Variants in CNTN4 observed in about 807,000 individuals in gnomAD.
The protein encoded by CNTN4 is contactin-4.
Under a neutral mutation model 122.5 loss-of-function variants are expected in CNTN4, and 77 were observed. The observed-to-expected ratio is 0.63, with a 90% CI of 0.52 to 0.76. CNTN4 has a LOEUF of 0.76. Among genes scored for constraint, CNTN4 ranks in the 30% least tolerant of loss-of-function variants. CNTN4 has a pLI of 0.00. For missense variants in CNTN4, 1,256 were observed against 1,259.1 expected (o/e 1.00, Z 0.04); for synonymous variants, 512 against 447.0 (o/e 1.15, Z -1.83).
Position 3,042,527 on chromosome 3 carries a change from G to T in CNTN4, c.2511+105G>T, listed in dbSNP as rs142175867. 4.6e-3 allele frequency: 3,649 copies of T among 785,132 alleles called. 25 individuals are homozygous for T. Among genetic ancestry groups the T allele is most frequent in the Middle Eastern group, 0.014 (63 of 4,422 alleles). The allele number at this position is 785,132 out of a possible 1,614,324, so 48.6% of individuals were successfully genotyped here. On this transcript the variant is annotated intron_variant, in intron 21 of 24. Coordinates refer to ENST00000418658, the MANE Select transcript of CNTN4 (RefSeq NM_175607.3). ...AAGAGACCCACATTCCCACTAAGAGGCATTGGTTTTAGGCCTGGCTTCCAG... is the reference window on the plus strand; with the variant it reads ...AAGAGACCCACATTCCCACTAAGAGTCATTGGTTTTAGGCCTGGCTTCCAG...
At chr3:3,048,268 C>G (rs1376976047) in intron 23 of CNTN4, among the ~76,000 whole-genome samples, 4 of 151,958 alleles carry the variant, frequency 2.6e-5, no homozygotes, top group Non-Finnish European at 5.9e-5. Flanking sequence ...GAAAATGACA[C>G]AGATTTTAAA....
At position 2,451,991 on chromosome 3, in the gene CNTN4, G is replaced by A. The variant is rs145484543; in HGVS notation, c.-89+112758G>A. Reference sequence around the variant, plus strand: ...AGGAGATAGATACTATAGATTCTTAGTGACATTCTTTGAGTTTTCACCATT... The same window carrying A: ...AGGAGATAGATACTATAGATTCTTAATGACATTCTTTGAGTTTTCACCATT... On this transcript the variant is annotated intron_variant, in intron 3 of 24. Coordinates refer to ENST00000418658, the MANE Select transcript of CNTN4 (RefSeq NM_175607.3). Among the ~76,000 whole-genome samples the A allele has an allele frequency of 5.4e-3, 819 of 152,250 alleles. 6 individuals carry two copies. Among genetic ancestry groups the A allele is most frequent in the African/African-American group, 0.015 (627 of 41,538 alleles).
chr3:2,289,817 C>T (rs2042069264), intron 2 of CNTN4, among the ~76,000 whole-genome samples: 2 of 152,234 alleles, frequency 1.3e-5, no homozygotes, highest in South Asian at 4.2e-4. Flanking sequence ...TAAGAATAGT[C>T]ATTGATGTGT....
intron 4 of CNTN4, among the ~76,000 whole-genome samples, chr3:2,710,252 C>T (rs1344736082): frequency 6.6e-6 from 1 of 152,124 alleles, no homozygotes; most frequent in African/African-American, 2.4e-5. Context: ...TTTAATGGCA[C>T]CCATCCTGTA....
intron 2 of CNTN4, among the ~76,000 whole-genome samples, chr3:2,168,072 A>T (rs2727930): frequency 0.58 from 88,801 of 151,804 alleles, 26,882 homozygotes; most frequent in Non-Finnish European, 0.66. Flanking sequence ...GTTAAAGGTT[A>T]TAGTAAGCTA....
chr3:2,913,859 C>A (rs2094327199), intron 12 of CNTN4, among the ~76,000 whole-genome samples: 1 of 152,196 alleles, frequency 6.6e-6, no homozygotes, highest in Middle Eastern at 3.2e-3. Flanking sequence ...AATATGAAAT[C>A]TACTCATGCA....
At chr3:2,978,610 A>T (rs1693647852) in intron 13 of CNTN4, among the ~76,000 whole-genome samples, 1 of 152,224 alleles carries the variant, frequency 6.6e-6, no homozygotes, top group Admixed American at 6.5e-5. Context: ...TTGTGTAGAA[A>T]AAGCAAGCTC....
At chr3:2,550,341 A>G (rs1481356224) in intron 3 of CNTN4, among the ~76,000 whole-genome samples, 1 of 152,128 alleles carries the variant, frequency 6.6e-6, no homozygotes, top group Non-Finnish European at 1.5e-5. Context: ...CAACAAACAT[A>G]TGAAAAAAAT....
At chr3:2,655,526 C>G (rs2083548778) in intron 4 of CNTN4, among the ~76,000 whole-genome samples, 1 of 152,162 alleles carries the variant, frequency 6.6e-6, no homozygotes, top group African/African-American at 2.4e-5. Flanking sequence ...GGTCTCTTCT[C>G]TGTTTCTGTT....
chr3:2,614,841 G>T (rs1376041944), intron 4 of CNTN4, among the ~76,000 whole-genome samples: 1 of 152,020 alleles, frequency 6.6e-6, no homozygotes, highest in African/African-American at 2.4e-5. Flanking sequence ...AAGAGATTTG[G>T]TAGTCATCTG....
intron 2 of CNTN4, among the ~76,000 whole-genome samples, chr3:2,106,403 C>T (rs962193420): frequency 2.0e-5 from 3 of 152,088 alleles, no homozygotes; most frequent in African/African-American, 4.8e-5. Flanking sequence ...CAGGCATTTC[C>T]GTACATCTAC....
chr3:2,149,694 T>G (rs2035408154), intron 2 of CNTN4, among the ~76,000 whole-genome samples: 1 of 152,220 alleles, frequency 6.6e-6, no homozygotes, highest in Non-Finnish European at 1.5e-5. Context: ...AATAGTAATG[T>G]TTACATTTAT....
At chr3:2,231,092 T>G (rs1435626859) in intron 2 of CNTN4, among the ~76,000 whole-genome samples, 1 of 152,242 alleles carries the variant, frequency 6.6e-6, no homozygotes, top group African/African-American at 2.4e-5. Flanking sequence ...TGAAATTTAC[T>G]TTAATAAATC....
At chr3:2,160,166 G>A (rs908790488) in intron 2 of CNTN4, among the ~76,000 whole-genome samples, 1 of 152,180 alleles carries the variant, frequency 6.6e-6, no homozygotes, top group Non-Finnish European at 1.5e-5. Context: ...ATCATTGAAT[G>A]TCAGTCTCAC....
intron 12 of CNTN4, among the ~76,000 whole-genome samples, chr3:2,924,500 C>G (rs1421526891): frequency 2.6e-5 from 4 of 152,164 alleles, no homozygotes; most frequent in Non-Finnish European, 5.9e-5. Context: ...ATTCCAAAAT[C>G]TCTTCTTGCA....
chr3:3,039,970 C>A, intron 19 of CNTN4, 67 bp from the exon 20 acceptor site: 1 of 1,168,140 alleles, frequency 8.6e-7, no homozygotes, highest in Non-Finnish European at 1.3e-6. Context: ...ACAAGGGAAA[C>A]AAAAACGATT....
chr3:2,439,558 T>C (rs1385623100), intron 3 of CNTN4, among the ~76,000 whole-genome samples: 1 of 152,104 alleles, frequency 6.6e-6, no homozygotes, highest in Admixed American at 6.6e-5. Context: ...AAGATATGAA[T>C]GTTCCACCTT....
At chr3:2,135,589 G>T (rs1454267550) in intron 2 of CNTN4, among the ~76,000 whole-genome samples, 1 of 151,586 alleles carries the variant, frequency 6.6e-6, no homozygotes, top group Non-Finnish European at 1.5e-5. Flanking sequence ...CATATTTGTT[G>T]TATTTCCGAG....
intron 3 of CNTN4, among the ~76,000 whole-genome samples, chr3:2,426,600 G>A (rs1288730579): frequency 6.6e-6 from 1 of 152,086 alleles, no homozygotes; most frequent in Non-Finnish European, 1.5e-5. Flanking sequence ...GAGTTAGGGA[G>A]GATTCCTTCT....
Sources: allele counts gnomAD v4.1 joint callset (sites outside exome capture counted in the v4.1 genomes callset), GRCh38; gene constraint gnomAD v4.1.1; transcripts MANE v1.5; gene names NCBI Gene and HGNC (gene_info 2026-07-23, HGNC 2026-07-21).